The following PUDP variants were observed in gnomAD, a reference collection of about 807,000 sequenced individuals.
PUDP encodes pseudouridine 5'-phosphatase.
In PUDP, 8 loss-of-function variants were observed where a neutral mutation model predicts 9.4. The ratio of observed to expected loss-of-function variants is 0.85; its 90% CI spans 0.50 to 1.53. PUDP has a LOEUF of 1.53. PUDP is among the 40% of genes most tolerant of loss of function. The pLI is 0.00. For synonymous variants in PUDP, 99 were observed against 80.7 expected, an observed-to-expected ratio of 1.23 and a Z score of -1.22; for missense variants, 188 against 189.7, an observed-to-expected ratio of 0.99 and a Z score of 0.05.
chrX:7,130,892 T>A (rs1274783298), intron 1 of PUDP, among the ~76,000 whole-genome samples: 1 of 111,260 alleles, frequency 9.0e-6, no homozygotes, highest in Non-Finnish European at 1.9e-5. Context: ...TCTCAAAAAA[T>A]AATAATAATA....
At chrX:7,040,190 G>A (rs1929903298) in intron 1 of PUDP, among the ~76,000 whole-genome samples, 1 of 111,577 alleles carries the variant, frequency 9.0e-6, no homozygotes, top group African/African-American at 3.3e-5. Context: ...CTGGTGTGGG[G>A]GTGGGATTCT....
intron 3 of PUDP, among the ~76,000 whole-genome samples, chrX:7,050,736 G>A (rs1178606339): frequency 8.9e-6 from 1 of 112,315 alleles, no homozygotes; most frequent in East Asian, 2.8e-4. Flanking sequence ...GCTGTGTGGT[G>A]AGGCAAGATT....
intron 1 of PUDP, among the ~76,000 whole-genome samples, chrX:7,121,098 T>C: frequency 9.0e-6 from 1 of 111,672 alleles, no homozygotes; most frequent in East Asian, 2.8e-4. Context: ...CAGTATACTT[T>C]ATGTGCAGTT....
Position 6,888,727 on chromosome X carries a change from T to C in PUDP, c.*247+88406A>G, listed in dbSNP as rs763453513. ...ATAGAATCCACGAGAAGAGGTATCA[T>C]GGTTGACAGTGTCTGGCATCCTCAT... On this transcript the variant is annotated intron_variant and NMD_transcript_variant, in intron 3 of 3. Coordinates refer to the PUDP transcript ENST00000655425. Among the ~76,000 whole-genome samples the C allele has an allele frequency of 3.9e-4, 44 of 111,912 alleles. 2 individuals are homozygous for C. The highest frequency in any genetic ancestry group is 5.6e-5 in the Non-Finnish European group (3 of 53,176).
chrX:7,039,961 G>C (rs1428484937), intron 1 of PUDP, among the ~76,000 whole-genome samples: 8 of 112,091 alleles, frequency 7.1e-5, no homozygotes, highest in Non-Finnish European at 1.5e-4. Flanking sequence ...AACATGGTTG[G>C]GTTAGGAGGA....
intron 3 of PUDP, among the ~76,000 whole-genome samples, chrX:6,769,646 C>T (rs988733317): frequency 3.6e-5 from 4 of 111,997 alleles, no homozygotes; most frequent in Non-Finnish European, 7.5e-5. Flanking sequence ...TCATCTTTTT[C>T]GTGCTTTAAA....
intron 3 of PUDP, among the ~76,000 whole-genome samples, chrX:7,062,906 T>C (rs1019463565): frequency 9.3e-6 from 1 of 107,067 alleles, no homozygotes; most frequent in Non-Finnish European, 1.9e-5. Flanking sequence ...TTTTTTTTTT[T>C]TTTTGGAAAT....
chrX:7,049,297 G>A lies in PUDP; in HGVS notation c.*999C>T, dbSNP rs1197776026. The A allele has an allele frequency of 8.9e-6, 1 of 112,178 alleles. No individual in the cohort carries two copies. The highest frequency in any genetic ancestry group is 2.8e-4 in the East Asian group (1 of 3,583). 9.2% of individuals were successfully genotyped at this position (112,178 alleles called of 1,213,427 possible). ...ATCAGAGACGAATTTTAAAGACTGA[G>A]TAAATCTATAAAAGCGATTAATCAC... On this transcript the variant is annotated 3_prime_UTR_variant, in exon 4 of 4. Coordinates refer to ENST00000381077, the MANE Select transcript of PUDP (RefSeq NM_012080.5).
chrX:6,940,935 A>G (rs1264577425), intron 3 of PUDP, among the ~76,000 whole-genome samples: 1 of 111,948 alleles, frequency 8.9e-6, no homozygotes, highest in Non-Finnish European at 1.9e-5. Flanking sequence ...GTTGGCAAAA[A>G]CTGACAAAAA....
chrX:6,911,833 A>C (rs1927854358), intron 3 of PUDP, among the ~76,000 whole-genome samples: 1 of 111,971 alleles, frequency 8.9e-6, no homozygotes. Flanking sequence ...ATATTTTGTA[A>C]GCCACCAATG....
chrX:6,831,898 G>A (rs893270610), intron 3 of PUDP, among the ~76,000 whole-genome samples: 8 of 111,859 alleles, frequency 7.2e-5, no homozygotes, highest in Non-Finnish European at 1.1e-4. Context: ...AAAGGAACTA[G>A]CAAGGCAGCT....
intron 1 of PUDP, among the ~76,000 whole-genome samples, chrX:6,984,876 G>A: frequency 8.9e-6 from 1 of 111,742 alleles, no homozygotes; most frequent in Non-Finnish European, 1.9e-5. Context: ...CCAAAATTAG[G>A]TGATTCAATA....
At chrX:6,950,295 G>A (rs1328303788) in intron 3 of PUDP, among the ~76,000 whole-genome samples, 4 of 89,690 alleles carry the variant, frequency 4.5e-5, no homozygotes, top group African/African-American at 1.7e-4. Context: ...CCTTGATCAT[G>A]CCACTGCACT....
At chrX:7,093,624 A>G (rs1474905392) in intron 2 of PUDP, among the ~76,000 whole-genome samples, 1 of 111,825 alleles carries the variant, frequency 8.9e-6, no homozygotes, top group African/African-American at 3.3e-5. Flanking sequence ...GCAGCTCCAC[A>G]GTGCTGTCCT....
intron 1 of PUDP, among the ~76,000 whole-genome samples, chrX:7,007,611 C>T (rs1347527444): frequency 3.5e-4 from 36 of 101,553 alleles, no homozygotes; most frequent in African/African-American, 1.4e-3. Flanking sequence ...ACTTTGCTAC[C>T]TCTCCCCTGA....
chrX:7,022,971 C>T (rs1167133355), intron 1 of PUDP, among the ~76,000 whole-genome samples: 14 of 111,580 alleles, frequency 1.3e-4, no homozygotes, highest in Non-Finnish European at 2.6e-4. Flanking sequence ...ACACAAACCA[C>T]TCTGGGGAAA....
intron 3 of PUDP, among the ~76,000 whole-genome samples, chrX:7,058,463 T>C (rs1602737444): frequency 1.8e-5 from 2 of 112,067 alleles, no homozygotes; most frequent in Admixed American, 9.4e-5. Context: ...ACCAGGCTTT[T>C]TCATAGGAGG....
At chrX:6,817,852 G>A (rs898579653) in intron 3 of PUDP, among the ~76,000 whole-genome samples, 1 of 111,193 alleles carries the variant, frequency 9.0e-6, no homozygotes, top group African/African-American at 3.3e-5. Flanking sequence ...AAAACCAAAA[G>A]GGATGCCTTT....
intron 1 of PUDP, among the ~76,000 whole-genome samples, chrX:7,030,572 C>T (rs1929779286): frequency 9.0e-6 from 1 of 111,026 alleles, no homozygotes; most frequent in African/African-American, 3.3e-5. Context: ...AACACACATC[C>T]CAGAACATGC....
Sources: gnomAD v4.1 joint callset for allele counts (sites outside exome capture counted in the v4.1 genomes callset) on GRCh38, gnomAD v4.1.1 for gene constraint, MANE v1.5 for transcripts, NCBI Gene and HGNC (gene_info 2026-07-23, HGNC 2026-07-21) for gene names.